The following SIAH3 variants were observed in gnomAD, a reference collection of about 807,000 sequenced individuals.
The protein encoded by SIAH3 is siah E3 ubiquitin protein ligase family member 3, also known as seven in absentia homolog 3.
SIAH3 carries 9 observed loss-of-function variants against 12.6 expected under a neutral mutation model. The observed-to-expected ratio is 0.72, with a 90% CI of 0.43 to 1.25. SIAH3 has a LOEUF of 1.25. Among genes scored for constraint, SIAH3 ranks in the 50% most tolerant of loss-of-function variants. The pLI, the probability that SIAH3 is intolerant of heterozygous loss-of-function variation, is 0.00. For synonymous variants in SIAH3, 154 were observed against 151.1 expected (o/e 1.02, Z -0.14); for missense variants, 390 against 365.4 (o/e 1.07, Z -0.55).
At chr13:45,795,803 A>G (rs1475682583) in intron 1 of SIAH3, among the ~76,000 whole-genome samples, 2 of 152,246 alleles carry the variant, frequency 1.3e-5, no homozygotes, top group Non-Finnish European at 2.9e-5. Context: ...GCACTAATTC[A>G]TAATAGCCAA....
intron 1 of SIAH3, among the ~76,000 whole-genome samples, chr13:45,824,341 T>C (rs907051968): frequency 3.3e-5 from 5 of 152,222 alleles, no homozygotes; most frequent in African/African-American, 1.2e-4. Flanking sequence ...AGATTGAATG[T>C]AGTCAGGCCC....
intron 1 of SIAH3, among the ~76,000 whole-genome samples, chr13:45,816,998 A>C (rs1331154498): frequency 3.3e-5 from 5 of 152,232 alleles, no homozygotes; most frequent in African/African-American, 1.2e-4. Flanking sequence ...CTTACTAGCT[A>C]ATGCCTTAAT....
intron 1 of SIAH3, among the ~76,000 whole-genome samples, chr13:45,805,013 ATACTTTGG>A (rs1950594277): frequency 7.3e-6 from 1 of 137,724 alleles, no homozygotes; most frequent in African/African-American, 2.6e-5. Flanking sequence ...CACACACAAA[ATACTTTGG>A]AATACATCTA....
intron 1 of SIAH3, among the ~76,000 whole-genome samples, chr13:45,841,185 C>A (rs968648261): frequency 6.6e-6 from 1 of 152,222 alleles, no homozygotes; most frequent in African/African-American, 2.4e-5. Context: ...GCCCTGGACT[C>A]CCTGTCACAT....
At chr13:45,810,431 T>C (rs941867002) in intron 1 of SIAH3, among the ~76,000 whole-genome samples, 4 of 152,172 alleles carry the variant, frequency 2.6e-5, no homozygotes, top group Admixed American at 6.5e-5. Context: ...ATCCAGGAGG[T>C]ATTTTTCAAA....
intron 1 of SIAH3, among the ~76,000 whole-genome samples, chr13:45,849,838 G>A (rs751207951): frequency 6.6e-6 from 1 of 152,108 alleles, no homozygotes; most frequent in African/African-American, 2.4e-5. Flanking sequence ...ATTTTTAAAG[G>A]TATTAAAATA....
chr13:45,850,919 C>CCACACACACA lies in SIAH3; in HGVS notation c.135+566_135+575dup, dbSNP rs34118981. Among the ~76,000 whole-genome samples, 302 of 128,324 alleles carry CCACACACACA rather than the reference C, an allele frequency of 2.4e-3. 3 individuals carry two copies. Among genetic ancestry groups the CCACACACACA allele is most frequent in the East Asian group, 6.1e-3 (24 of 3,934 alleles). The allele number at this position is 128,324 out of a possible 152,430, so 84.2% of individuals were successfully genotyped here. ...GAAATAAGCCAAAATCCTCCCGACA[C>CCACACACACA]CACACACACACACACACACACACAC... On this transcript the variant is annotated intron_variant, in intron 1 of 1. Coordinates refer to ENST00000400405, the MANE Select transcript of SIAH3 (RefSeq NM_198849.3).
intron 1 of SIAH3, among the ~76,000 whole-genome samples, chr13:45,822,549 A>G (rs1333852956): frequency 7.3e-6 from 1 of 136,764 alleles, no homozygotes; most frequent in Non-Finnish European, 1.6e-5. Flanking sequence ...ATATATATAT[A>G]TATATATTAG....
At chr13:45,839,318 C>T (rs1480637948) in intron 1 of SIAH3, among the ~76,000 whole-genome samples, 1 of 151,806 alleles carries the variant, frequency 6.6e-6, no homozygotes, top group South Asian at 2.1e-4. Flanking sequence ...TCCAATGTGG[C>T]CAACCAGCTT....
intron 1 of SIAH3, among the ~76,000 whole-genome samples, chr13:45,840,780 G>A (rs1019665741): frequency 2.6e-4 from 40 of 152,190 alleles, no homozygotes; most frequent in Admixed American, 3.3e-4. Flanking sequence ...CAAGCATGTC[G>A]GCTCAGTTGT....
At chr13:45,841,507 A>G (rs1174192210) in intron 1 of SIAH3, among the ~76,000 whole-genome samples, 1 of 152,208 alleles carries the variant, frequency 6.6e-6, no homozygotes, top group East Asian at 1.9e-4. Context: ...CAGCCCTGCA[A>G]TGAGCAGTGC....
At chr13:45,838,805 C>T (rs1180459588) in intron 1 of SIAH3, among the ~76,000 whole-genome samples, 6 of 151,852 alleles carry the variant, frequency 4.0e-5, no homozygotes, top group East Asian at 1.9e-4. Flanking sequence ...GTTTTTCTCC[C>T]GCTTTCTAGG....
At chr13:45,796,687 C>A (rs1950563901) in intron 1 of SIAH3, among the ~76,000 whole-genome samples, 1 of 152,232 alleles carries the variant, frequency 6.6e-6, no homozygotes, top group Admixed American at 6.5e-5. Context: ...TAAGGACCAA[C>A]ACTTGTGCTA....
intron 1 of SIAH3, among the ~76,000 whole-genome samples, chr13:45,797,321 A>G (rs1190955103): frequency 1.3e-5 from 2 of 152,152 alleles, no homozygotes; most frequent in Non-Finnish European, 2.9e-5. Flanking sequence ...CTCCCAGGCC[A>G]GGATTGCTCC....
chr13:45,827,413 A>G (rs908232656), intron 1 of SIAH3, among the ~76,000 whole-genome samples: 8 of 152,320 alleles, frequency 5.3e-5, no homozygotes, highest in African/African-American at 1.7e-4. Context: ...TGTGATTTGT[A>G]AGAAAAACAA....
intron 1 of SIAH3, among the ~76,000 whole-genome samples, chr13:45,848,790 T>C (rs536779289): frequency 8.5e-5 from 13 of 152,192 alleles, no homozygotes; most frequent in Admixed American, 2.0e-4. Flanking sequence ...TCTCTGTCCT[T>C]GGTCACCATT....
At chr13:45,850,375 A>G (rs991415351) in intron 1 of SIAH3, among the ~76,000 whole-genome samples, 2 of 152,184 alleles carry the variant, frequency 1.3e-5, no homozygotes, top group African/African-American at 4.8e-5. Flanking sequence ...TTCCTGCCCA[A>G]CAGCAGTGGT....
chr13:45,794,213 C>T (rs1950555372), intron 1 of SIAH3, among the ~76,000 whole-genome samples: 1 of 152,100 alleles, frequency 6.6e-6, no homozygotes, highest in Non-Finnish European at 1.5e-5. Flanking sequence ...CTGCCTCAGC[C>T]TCCTGAGTAG....
chr13:45,828,503 AACCACAGTATAATAAGGAAGGC>A (rs1950686842), intron 1 of SIAH3, among the ~76,000 whole-genome samples: 2 of 152,228 alleles, frequency 1.3e-5, no homozygotes, highest in African/African-American at 4.8e-5. Flanking sequence ...AGCAAAATTT[AACCACAGTATAATAAGGAAGGC>A]ATAATTCACT....
Sources: allele counts gnomAD v4.1 joint callset (sites outside exome capture counted in the v4.1 genomes callset), GRCh38; gene constraint gnomAD v4.1.1; transcripts MANE v1.5; gene names NCBI Gene and HGNC (gene_info 2026-07-23, HGNC 2026-07-21).